The following NIBAN1 variants were observed in gnomAD, a reference collection of about 807,000 sequenced individuals.
The protein encoded by NIBAN1 is protein Niban 1.
NIBAN1 carries 81 observed loss-of-function variants against 75.1 expected under a neutral mutation model. The observed-to-expected ratio is 1.08, with a 90% CI of 0.90 to 1.30. The LOEUF is 1.30. NIBAN1 is among the 50% of genes most tolerant of loss of function. The probability of loss-of-function intolerance (pLI) is 0.00; values close to 1 mark genes in which losing one functional copy is unlikely to be tolerated. For missense variants in NIBAN1, 1,133 were observed against 1,128.1 expected, an observed-to-expected ratio of 1.00 and a Z score of -0.06; for synonymous variants, 436 against 424.8, an observed-to-expected ratio of 1.03 and a Z score of -0.32.
At chr1:184,861,811 G>C (rs989215938) in intron 5 of NIBAN1, among the ~76,000 whole-genome samples, 6 of 151,288 alleles carry the variant, frequency 4.0e-5, no homozygotes, top group Non-Finnish European at 5.9e-5. Flanking sequence ...AGAAGAGAGA[G>C]AAGGAGGGAG....
In NIBAN1 at chr1:184,890,235, A is replaced by T; in HGVS notation, c.319-13T>A. 6.3e-7 allele frequency: 1 copy of T among 1,575,576 alleles called. No individual in the cohort carries two copies. Among genetic ancestry groups the T allele is most frequent in the Non-Finnish European group, 8.7e-7 (1 of 1,145,004 alleles). On this transcript the variant is annotated splice_polypyrimidine_tract_variant and intron_variant, in intron 3 of 13. Transcript: ENST00000367511. ...CTCTCTGATAGGCCTGGGGAGGGAA[A>T]GGCACACAGGAATGATATCTTTTTC...
intron 5 of NIBAN1, among the ~76,000 whole-genome samples, chr1:184,870,538 G>A (rs1656079779): frequency 6.6e-6 from 1 of 152,104 alleles, no homozygotes. Flanking sequence ...CTGTCAAGGT[G>A]GCAAATATAT....
chr1:184,911,991 C>T (rs1226316091), intron 1 of NIBAN1, among the ~76,000 whole-genome samples: 2 of 152,130 alleles, frequency 1.3e-5, no homozygotes, highest in African/African-American at 4.8e-5. Context: ...CACCAGGCAC[C>T]ACTACGCTAA....
intron 1 of NIBAN1, among the ~76,000 whole-genome samples, chr1:184,969,514 T>A (rs1658880700): frequency 6.6e-6 from 1 of 152,104 alleles, no homozygotes; most frequent in Non-Finnish European, 1.5e-5. Context: ...TAGAAGCAGG[T>A]GGCAAACTTC....
At chr1:184,888,006 T>C (rs111354836) in intron 4 of NIBAN1, 3,913 of 152,292 alleles carry the variant, frequency 0.026, 72 homozygotes, top group Non-Finnish European at 0.04. Flanking sequence ...CCATTGTCTC[T>C]GCAGTTCTTT....
At chr1:184,820,093 A>T (rs910596443) in intron 8 of NIBAN1, among the ~76,000 whole-genome samples, 1 of 152,240 alleles carries the variant, frequency 6.6e-6, no homozygotes, top group African/African-American at 2.4e-5. Context: ...TTTCAATTGT[A>T]TGATCCAAAT....
intron 1 of NIBAN1, among the ~76,000 whole-genome samples, chr1:184,954,234 G>A (rs989436885): frequency 8.5e-5 from 13 of 152,190 alleles, no homozygotes; most frequent in African/African-American, 2.4e-4. Context: ...TGGGAATTTG[G>A]TTATAGGTCT....
chr1:184,870,306 G>A (rs1237246065), intron 5 of NIBAN1, among the ~76,000 whole-genome samples: 1 of 152,172 alleles, frequency 6.6e-6, no homozygotes, highest in Non-Finnish European at 1.5e-5. Context: ...TTGATAGAAA[G>A]CTTCCTAAAA....
intron 12 of NIBAN1, among the ~76,000 whole-genome samples, chr1:184,800,686 C>T (rs187909926): frequency 1.3e-4 from 20 of 152,044 alleles, no homozygotes; most frequent in African/African-American, 3.4e-4. Flanking sequence ...AGATATATGG[C>T]GCAACTATAT....
At chr1:184,967,153 A>G (rs988994230) in intron 1 of NIBAN1, among the ~76,000 whole-genome samples, 2 of 151,870 alleles carry the variant, frequency 1.3e-5, no homozygotes, top group African/African-American at 4.8e-5. Flanking sequence ...AAAGGAGAAA[A>G]TCTGTATTGC....
At chr1:184,968,921 CTCCT>C (rs1658867031) in intron 1 of NIBAN1, among the ~76,000 whole-genome samples, 1 of 152,192 alleles carries the variant, frequency 6.6e-6, no homozygotes, top group African/African-American at 2.4e-5. Flanking sequence ...CCTACATGTG[CTCCT>C]TCTTGAAAGG....
intron 1 of NIBAN1, among the ~76,000 whole-genome samples, chr1:184,922,977 T>C (rs372998867): frequency 6.8e-4 from 103 of 152,318 alleles, no homozygotes; most frequent in African/African-American, 2.1e-3. Flanking sequence ...CCCTGTCAGA[T>C]GGATAGTTTG....
intron 1 of NIBAN1, among the ~76,000 whole-genome samples, chr1:184,954,747 T>C (rs1050754888): frequency 2.6e-5 from 4 of 152,224 alleles, no homozygotes; most frequent in African/African-American, 9.6e-5. Flanking sequence ...TTGGATACCA[T>C]GGATTATGAA....
chr1:184,830,401 TC>T (rs1427437145), intron 6 of NIBAN1, among the ~76,000 whole-genome samples: 1 of 152,038 alleles, frequency 6.6e-6, no homozygotes, highest in East Asian at 1.9e-4. Flanking sequence ...TGGCTGTGCT[TC>T]CCCAAAATAT....
intron 5 of NIBAN1, among the ~76,000 whole-genome samples, chr1:184,844,313 T>C (rs1207727043): frequency 1.3e-5 from 2 of 152,214 alleles, no homozygotes; most frequent in African/African-American, 4.8e-5. Context: ...CTGGCATTAA[T>C]TGGCATCACT....
intron 1 of NIBAN1, among the ~76,000 whole-genome samples, chr1:184,937,581 G>A (rs974713833): frequency 1.3e-5 from 2 of 152,230 alleles, no homozygotes; most frequent in African/African-American, 4.8e-5. Flanking sequence ...AAGATGAAAG[G>A]TGGGGCTGAT....
chr1:184,884,690 C>T lies in NIBAN1; in HGVS notation c.544G>A (p.Ala182Thr). 15 of 1,614,196 alleles carry T rather than the reference C, an allele frequency of 9.3e-6. No homozygotes were observed. Among genetic ancestry groups the T allele is most frequent in the Non-Finnish European group, 1.3e-5 (15 of 1,180,018 alleles). ...RHGYFCFHEA[A>T]DQKRFSALLS... ...AGGGCACTAAACCTCTTCTGGTCAG[C>T]AGCCTCGTGGAAGCAGAAGTAGCCG... The change falls in exon 5 of 14, where the codon GCT becomes ACT. Residue 182 changes from alanine to threonine, a missense_variant. Ala to Thr is a moderately conservative substitution (Grantham distance 58). Coordinates refer to ENST00000367511, the MANE Select transcript of NIBAN1 (RefSeq NM_052966.4).
intron 1 of NIBAN1, among the ~76,000 whole-genome samples, chr1:184,945,809 A>G (rs1658206068): frequency 6.6e-6 from 1 of 152,230 alleles, no homozygotes; most frequent in African/African-American, 2.4e-5. Context: ...GCAGATTTCA[A>G]AAGAATCAGC....
intron 13 of NIBAN1, among the ~76,000 whole-genome samples, chr1:184,797,137 CTTTTTTT>C (rs56272970): frequency 7.7e-6 from 1 of 130,598 alleles, no homozygotes; most frequent in South Asian, 2.5e-4. Flanking sequence ...CCTTCTCCAG[CTTTTTTT>C]TTTTTTTTTT....
Sources: allele counts gnomAD v4.1 joint callset (sites outside exome capture counted in the v4.1 genomes callset), GRCh38; gene constraint gnomAD v4.1.1; transcripts MANE v1.5; gene names NCBI Gene and HGNC (gene_info 2026-07-23, HGNC 2026-07-21).